Variants in CADM2 observed in about 807,000 individuals in gnomAD.
The protein encoded by CADM2 is cell adhesion molecule 2.
CADM2 carries 12 observed loss-of-function variants against 49.8 expected under a neutral mutation model. The observed-to-expected ratio is 0.24, with a 90% CI of 0.15 to 0.39. The LOEUF (loss-of-function observed/expected upper bound fraction) is 0.39. Among genes scored for constraint, CADM2 ranks in the 10% least tolerant of loss-of-function variants. The pLI is 1.00. For missense variants in CADM2, 378 were observed against 492.3 expected, an observed-to-expected ratio of 0.77 and a Z score of 2.20; for synonymous variants, 214 against 175.4, an observed-to-expected ratio of 1.22 and a Z score of -1.74.
intron 1 of CADM2, among the ~76,000 whole-genome samples, chr3:85,195,519 G>A (rs2041322128): frequency 6.7e-6 from 1 of 148,520 alleles, no homozygotes; most frequent in South Asian, 2.1e-4. Flanking sequence ...TTGACAATAT[G>A]TGTAAACCAT....
chr3:85,335,142 T>C (rs943765459), intron 1 of CADM2, among the ~76,000 whole-genome samples: 73 of 151,516 alleles, frequency 4.8e-4, no homozygotes, highest in Non-Finnish European at 1.3e-4. Flanking sequence ...AAACAAAATA[T>C]TTTATAATTT....
chr3:85,291,072 C>T (rs2043779680), intron 1 of CADM2, among the ~76,000 whole-genome samples: 1 of 152,032 alleles, frequency 6.6e-6, no homozygotes, highest in Non-Finnish European at 1.5e-5. Flanking sequence ...ATTAGAATAA[C>T]CAATACAGAG....
intron 1 of CADM2, among the ~76,000 whole-genome samples, chr3:85,614,304 C>A (rs966715334): frequency 6.6e-6 from 1 of 151,226 alleles, no homozygotes; most frequent in South Asian, 2.1e-4. Context: ...TACAGAAGAC[C>A]TTATTTTACT....
At chr3:85,239,985 G>C (rs2042493250) in intron 1 of CADM2, among the ~76,000 whole-genome samples, 1 of 151,340 alleles carries the variant, frequency 6.6e-6, no homozygotes, top group Non-Finnish European at 1.5e-5. Flanking sequence ...TCCAGGGAAA[G>C]TATCTTTATA....
At chr3:84,977,285 A>G (rs2031879476) in intron 1 of CADM2, among the ~76,000 whole-genome samples, 1 of 151,982 alleles carries the variant, frequency 6.6e-6, no homozygotes. Context: ...TTTACATATA[A>G]CTAGATAAGA....
chr3:86,066,581 G>C (rs1739367004), intron 9 of CADM2, 84 bp from the exon 10 acceptor site: 2 of 1,069,418 alleles, frequency 1.9e-6, no homozygotes, highest in Non-Finnish European at 2.8e-6. Context: ...TCTGGCAAAA[G>C]TTTCTTCCTA....
chr3:85,534,145 T>C (rs1396284168), intron 1 of CADM2, among the ~76,000 whole-genome samples: 2 of 152,186 alleles, frequency 1.3e-5, no homozygotes, highest in Non-Finnish European at 2.9e-5. Context: ...TTTTTAAGTT[T>C]AAACAGCATT....
At chr3:86,053,691 A>G (rs1293399158) in intron 8 of CADM2, among the ~76,000 whole-genome samples, 3 of 152,060 alleles carry the variant, frequency 2.0e-5, no homozygotes, top group Non-Finnish European at 2.9e-5. Flanking sequence ...AGCTTGGGTC[A>G]GGTTCAGTTT....
intron 3 of CADM2, among the ~76,000 whole-genome samples, chr3:85,828,458 C>A (rs557638874): frequency 1.7e-4 from 26 of 151,992 alleles, no homozygotes; most frequent in African/African-American, 6.0e-4. Flanking sequence ...ATAGATTATA[C>A]AGTTATAATT....
chr3:86,020,455 G>A (rs1363855395), intron 8 of CADM2, among the ~76,000 whole-genome samples: 1 of 152,020 alleles, frequency 6.6e-6, no homozygotes, highest in East Asian at 1.9e-4. Context: ...CCAATCAATA[G>A]AAAAAGAGGG....
At chr3:85,367,617 G>GA (rs2032879971) in intron 1 of CADM2, among the ~76,000 whole-genome samples, 1 of 151,748 alleles carries the variant, frequency 6.6e-6, no homozygotes. Context: ...ATGGAAATTA[G>GA]AAAAAGAATT....
chr3:85,771,950 G>C (rs1306735106), intron 2 of CADM2, among the ~76,000 whole-genome samples: 1 of 151,278 alleles, frequency 6.6e-6, no homozygotes, highest in African/African-American at 2.4e-5. Context: ...CAGCAAAAGG[G>C]ATAGTAAATG....
intron 1 of CADM2, among the ~76,000 whole-genome samples, chr3:85,130,354 A>G (rs2039184382): frequency 6.6e-6 from 1 of 152,174 alleles, no homozygotes; most frequent in African/African-American, 2.4e-5. Flanking sequence ...CCTTACCAAT[A>G]CAATTGTTGA....
chr3:86,024,692 T>C (rs918352266), intron 8 of CADM2, among the ~76,000 whole-genome samples: 7 of 152,082 alleles, frequency 4.6e-5, no homozygotes, highest in African/African-American at 1.7e-4. Flanking sequence ...TTGTGGGCCT[T>C]TGGAAATATT....
intron 1 of CADM2, among the ~76,000 whole-genome samples, chr3:85,676,726 T>C (rs1047503715): frequency 2.0e-5 from 3 of 152,188 alleles, no homozygotes; most frequent in African/African-American, 7.2e-5. Flanking sequence ...TATGACAATC[T>C]TTCCACCATG....
At chr3:85,541,238 G>A (rs2061531075) in intron 1 of CADM2, among the ~76,000 whole-genome samples, 1 of 149,172 alleles carries the variant, frequency 6.7e-6, no homozygotes, top group African/African-American at 2.4e-5. Context: ...TTATATATGT[G>A]TGTATATATA....
At chr3:85,101,202 C>T (rs2037999170) in intron 1 of CADM2, among the ~76,000 whole-genome samples, 1 of 151,938 alleles carries the variant, frequency 6.6e-6, no homozygotes, top group South Asian at 2.1e-4. Context: ...TGCAGTGAGC[C>T]GAGAGCGCAC....
chr3:85,615,370 G>C (rs2063775014), intron 1 of CADM2, among the ~76,000 whole-genome samples: 1 of 151,890 alleles, frequency 6.6e-6, no homozygotes. Flanking sequence ...TTTGTAATCT[G>C]TCTAGCCAGT....
chr3:85,227,203 T>G (rs1559731308), intron 1 of CADM2, among the ~76,000 whole-genome samples: 1 of 152,200 alleles, frequency 6.6e-6, no homozygotes, highest in African/African-American at 2.4e-5. Context: ...CTCGTTGATC[T>G]GTCTAATATT....
Sources: allele counts gnomAD v4.1 joint callset (sites outside exome capture counted in the v4.1 genomes callset), GRCh38; gene constraint gnomAD v4.1.1; transcripts MANE v1.5; gene names NCBI Gene and HGNC (gene_info 2026-07-23, HGNC 2026-07-21).